Variants in PCDHA9 observed in about 807,000 individuals in gnomAD.
PCDHA9 encodes protocadherin alpha-9.
In PCDHA9, 62 loss-of-function variants were observed where a neutral mutation model predicts 62.0. The observed-to-expected ratio is 1.00, with a 90% CI of 0.81 to 1.23. The LOEUF (loss-of-function observed/expected upper bound fraction) is 1.23, where lower values mean the gene tolerates loss of function less well. PCDHA9 is among the 50% of genes most tolerant of loss of function. The pLI is 0.00. For missense variants in PCDHA9, 1,205 were observed against 1,249.8 expected, an observed-to-expected ratio of 0.96 and a Z score of 0.54; for synonymous variants, 557 against 567.6, an observed-to-expected ratio of 0.98 and a Z score of 0.27.
intron 1 of PCDHA9, chr5:140,882,641 G>A (rs1464189390): frequency 6.2e-7 from 1 of 1,614,104 alleles, no homozygotes; most frequent in Non-Finnish European, 8.5e-7. Context: ...GAAGGTGAGG[G>A]ACATTAACGA....
intron 1 of PCDHA9, chr5:140,853,114 C>G: frequency 6.6e-6 from 3 of 456,918 alleles, no homozygotes; most frequent in Non-Finnish European, 8.8e-6. Flanking sequence ...CTCCTGACCT[C>G]ATGATCCTCC....
intron 1 of PCDHA9, among the ~76,000 whole-genome samples, chr5:140,899,732 T>C (rs1174883648): frequency 6.6e-6 from 1 of 152,222 alleles, no homozygotes; most frequent in Non-Finnish European, 1.5e-5. Context: ...TTTCTATTGA[T>C]TGGAATAGTT....
At chr5:140,914,710 G>GT (rs1554196543) in intron 1 of PCDHA9, among the ~76,000 whole-genome samples, 1 of 151,256 alleles carries the variant, frequency 6.6e-6, no homozygotes, top group Non-Finnish European at 1.5e-5. Context: ...TTAATTTCTT[G>GT]TTTTTTATTT....
At chr5:140,993,032 G>A (rs1356944264) in intron 3 of PCDHA9, among the ~76,000 whole-genome samples, 2 of 152,286 alleles carry the variant, frequency 1.3e-5, no homozygotes, top group South Asian at 2.1e-4. Flanking sequence ...TGTGGGCTCC[G>A]TGTGTCATCA....
At chr5:140,984,041 T>A (rs1440161569) in intron 3 of PCDHA9, among the ~76,000 whole-genome samples, 1 of 152,196 alleles carries the variant, frequency 6.6e-6, no homozygotes, top group Non-Finnish European at 1.5e-5. Flanking sequence ...CATAAAATAG[T>A]TCATTGACAA....
At chr5:140,871,123 G>A (rs782312325) in intron 1 of PCDHA9, 51 of 1,613,216 alleles carry the variant, frequency 3.2e-5, no homozygotes, top group African/African-American at 1.3e-5. Context: ...GAGCGGACAG[G>A]CGCCAAAGGC....
chr5:140,903,271 A>T (rs193242810), intron 1 of PCDHA9, among the ~76,000 whole-genome samples: 58 of 152,326 alleles, frequency 3.8e-4, no homozygotes, highest in African/African-American at 1.3e-3. Flanking sequence ...GGAGTGAGGT[A>T]GTGTCTCATT....
intron 1 of PCDHA9, among the ~76,000 whole-genome samples, chr5:140,944,938 A>G (rs2153667882): frequency 6.6e-6 from 1 of 152,262 alleles, no homozygotes; most frequent in African/African-American, 2.4e-5. Context: ...CCTTCTTTAG[A>G]TGATTGTGAA....
chr5:140,855,412 A>T (rs2043457321), intron 1 of PCDHA9, among the ~76,000 whole-genome samples: 1 of 149,990 alleles, frequency 6.7e-6, no homozygotes, highest in South Asian at 2.1e-4. Context: ...GAAGCTAATG[A>T]TCTCTAAATT....
intron 1 of PCDHA9, among the ~76,000 whole-genome samples, chr5:140,922,508 C>A (rs2080871857): frequency 6.6e-6 from 1 of 152,090 alleles, no homozygotes; most frequent in African/African-American, 2.4e-5. Flanking sequence ...GCAGATGCAC[C>A]ATTATTTCAA....
chr5:140,877,057 G>C, intron 1 of PCDHA9: 1 of 1,612,862 alleles, frequency 6.2e-7, no homozygotes. Flanking sequence ...CGAGGAGCTG[G>C]AGCTGCTGCA....
intron 1 of PCDHA9, among the ~76,000 whole-genome samples, chr5:140,909,749 C>T (rs141984152): frequency 6.6e-6 from 1 of 152,114 alleles, no homozygotes; most frequent in African/African-American, 2.4e-5. Context: ...GGGGAAATGA[C>T]CACAGGATGA....
intron 1 of PCDHA9, among the ~76,000 whole-genome samples, chr5:140,915,901 G>A (rs1339531688): frequency 1.3e-5 from 2 of 152,250 alleles, no homozygotes; most frequent in East Asian, 1.9e-4. Flanking sequence ...CCTGGCCCTG[G>A]GCAGGCCCAG....
At chr5:140,959,688 T>G (rs1000595466) in intron 1 of PCDHA9, among the ~76,000 whole-genome samples, 20 of 152,318 alleles carry the variant, frequency 1.3e-4, no homozygotes, top group African/African-American at 4.8e-4. Flanking sequence ...ATAATTTCAA[T>G]AAAATGAGCT....
rs1554262551 is a variant in PCDHA9, at chr5:141,009,910, C to T, written c.2826C>T (p.Asn942=). 1 of 1,612,616 alleles carries T rather than the reference C, an allele frequency of 6.2e-7. No individual in the cohort carries two copies. Among genetic ancestry groups the T allele is most frequent in the Middle Eastern group, 1.7e-4 (1 of 6,048 alleles). Residue 942 remains asparagine (N), a synonymous_variant, in exon 4 of 4, where the codon AAC becomes AAT. Transcript: ENST00000532602. ...NKTQEKKEKG[N]STTDNSDQ Reference sequence around the variant, plus strand: ...CCCAGGAGAAAAAAGAGAAAGGGAACAGCACGACTGACAACAGTGACCAGT... The same window carrying T: ...CCCAGGAGAAAAAAGAGAAAGGGAATAGCACGACTGACAACAGTGACCAGT...
chr5:140,876,541 C>T, intron 1 of PCDHA9: 1 of 1,614,188 alleles, frequency 6.2e-7, no homozygotes, highest in Non-Finnish European at 8.5e-7. Context: ...TTCACTGTCG[C>T]TCCCTGTGCA....
intron 1 of PCDHA9, chr5:140,927,638 G>A (rs781909639): frequency 1.2e-6 from 2 of 1,614,142 alleles, no homozygotes; most frequent in Admixed American, 1.7e-5. Context: ...GCACCCAATG[G>A]GACTGTGTTA....
chr5:140,849,692 C>T lies in PCDHA9; in HGVS notation c.1197C>T (p.Ser399=). 1.3e-6 allele frequency: 2 copies of T among 1,598,700 alleles called. No homozygotes were observed. The highest frequency in any genetic ancestry group is 1.7e-6 in the Non-Finnish European group (2 of 1,168,012). The change falls in exon 1 of 4, where the codon TCC becomes TCT. Residue 399 remains serine, a synonymous_variant. Transcript: ENST00000532602. The stretch of plus-strand genomic sequence containing the variant: ...CCCACGTCCCCTTCAAGCTGGTGTC[C>T]ACCTACAAGAATTACTACTCGTTGG... ...LTPHVPFKLV[S]TYKNYYSLVL... is the part of the protein sequence containing the mutation.
chr5:140,896,113 T>A (rs10053583), intron 1 of PCDHA9, among the ~76,000 whole-genome samples: 2,120 of 152,286 alleles, frequency 0.014, 43 homozygotes, highest in African/African-American at 0.049. Flanking sequence ...GCCTGGCCAA[T>A]GTACTGCATT....
Sources: allele counts gnomAD v4.1 joint callset (sites outside exome capture counted in the v4.1 genomes callset), GRCh38; gene constraint gnomAD v4.1.1; transcripts MANE v1.5; gene names NCBI Gene and HGNC (gene_info 2026-07-23, HGNC 2026-07-21).